Variants in MALRD1 observed in about 807,000 individuals in gnomAD.
The protein encoded by MALRD1 is MAM and LDL-receptor class A domain-containing protein 1.
A neutral mutation model predicts 242.1 loss-of-function variants in MALRD1; 247 were observed. The ratio of observed to expected loss-of-function variants is 1.02; its 90% CI spans 0.92 to 1.13. The LOEUF (loss-of-function observed/expected upper bound fraction) is 1.13. Ranked by LOEUF, MALRD1 falls within the 50% of genes most tolerant of loss-of-function variation. The pLI, the probability that MALRD1 is intolerant of heterozygous loss-of-function variation, is 0.00. For missense variants in MALRD1, 2,989 were observed against 2,533.1 expected, an observed-to-expected ratio of 1.18 and a Z score of -3.86; for synonymous variants, 995 against 866.6, an observed-to-expected ratio of 1.15 and a Z score of -2.60.
chr10:19,734,032 A>G (rs1589457791), intron 39 of MALRD1, 125 bp from the exon 40 acceptor site: 2 of 670,252 alleles, frequency 3.0e-6, no homozygotes, highest in Non-Finnish European at 4.9e-6. Context: ...AGAGTCAGGG[A>G]TGTTCTAGTT....
intron 33 of MALRD1, among the ~76,000 whole-genome samples, chr10:19,573,225 T>C (rs1162665403): frequency 6.6e-6 from 1 of 152,108 alleles, no homozygotes; most frequent in East Asian, 1.9e-4. Context: ...GTCAAGGTGG[T>C]TGGAAACTCT....
intron 18 of MALRD1, among the ~76,000 whole-genome samples, chr10:19,221,285 C>T (rs950454196): frequency 1.4e-4 from 21 of 152,004 alleles, no homozygotes; most frequent in African/African-American, 4.3e-4. Context: ...GATCCCACTT[C>T]CCCTGAAATT....
chr10:19,360,565 T>G (rs914860454), intron 26 of MALRD1, among the ~76,000 whole-genome samples: 4 of 152,152 alleles, frequency 2.6e-5, no homozygotes, highest in African/African-American at 9.6e-5. Context: ...ACCTATCCTC[T>G]TTCTTCCAAT....
chr10:19,376,439 A>G (rs1845599540), intron 26 of MALRD1, among the ~76,000 whole-genome samples: 1 of 151,788 alleles, frequency 6.6e-6, no homozygotes, highest in African/African-American at 2.4e-5. Flanking sequence ...GACATCAAAA[A>G]TTGCTTCCCT....
chr10:19,255,358 C>T lies in MALRD1; in HGVS notation c.2992-2326C>T, dbSNP rs530435741. ...GTTTTGATAATCTTCTATTCGTTCT[C>T]GGGGAAAAACACCATAAATGAAAGT... On this transcript the variant is annotated intron_variant, in intron 18 of 39. Transcript: ENST00000454679. Among the ~76,000 whole-genome samples, 6 of 151,716 alleles carry T rather than the reference C, an allele frequency of 4.0e-5. No homozygotes were observed. The South Asian group carries it at 6.2e-4, about 16-fold the overall frequency.
intron 31 of MALRD1, among the ~76,000 whole-genome samples, chr10:19,519,462 A>G (rs11593317): frequency 0.011 from 1,695 of 152,252 alleles, 13 homozygotes; most frequent in Non-Finnish European, 0.015. Flanking sequence ...ATCATCTTTT[A>G]AAAATAATTT....
intron 28 of MALRD1, among the ~76,000 whole-genome samples, chr10:19,441,113 CAT>C (rs1388926393): frequency 2.0e-5 from 3 of 152,140 alleles, no homozygotes; most frequent in Non-Finnish European, 1.5e-5. Context: ...AGCATTTTTT[CAT>C]ATGTCTGTTG....
intron 18 of MALRD1, among the ~76,000 whole-genome samples, chr10:19,213,268 C>T (rs2358358): frequency 0.13 from 19,766 of 152,126 alleles, 1,379 homozygotes; most frequent in Middle Eastern, 0.2. Flanking sequence ...TTGCTCTGTT[C>T]ATGTTTTTAA....
intron 32 of MALRD1, among the ~76,000 whole-genome samples, chr10:19,539,322 C>G (rs534108376): frequency 1.3e-5 from 2 of 152,140 alleles, no homozygotes; most frequent in East Asian, 1.9e-4. Context: ...TGGCCTATCT[C>G]TACTCTATCC....
intron 10 of MALRD1, among the ~76,000 whole-genome samples, chr10:19,138,766 C>T (rs188267202): frequency 5.6e-4 from 85 of 152,150 alleles, no homozygotes; most frequent in African/African-American, 9.4e-4. Flanking sequence ...TTGTATTCCC[C>T]GTAGTAAATC....
rs1304148635 is a variant in MALRD1 at position 19,108,392 on chromosome 10, T to TA, written c.694+4317_694+4318insA. On this transcript the variant is annotated intron_variant, in intron 5 of 39. Coordinates refer to ENST00000454679, the MANE Select transcript of MALRD1 (RefSeq NM_001142308.3). The stretch of plus-strand genomic sequence containing the variant: ...GAGCTCATGAATTGTTTTTTCTTTT[T>TA]TTTTTTTTTTTTTTTTTTTTTTTTT... 4.6e-3 allele frequency among the ~76,000 whole-genome samples: 48 copies of TA among 10,496 alleles called. 4 individuals carry two copies. Among genetic ancestry groups the TA allele is most frequent in the Middle Eastern group, 0.071 (1 of 14 alleles). 6.9% of individuals were successfully genotyped at this position (10,496 alleles called of 152,430 possible). A position where few individuals can be genotyped will look rare whatever the true frequency, so the allele number is the denominator to read the frequency against.
chr10:19,189,313 A>G (rs1588673380), intron 14 of MALRD1, among the ~76,000 whole-genome samples: 1 of 152,280 alleles, frequency 6.6e-6, no homozygotes, highest in African/African-American at 2.4e-5. Context: ...TTGATGAATA[A>G]TAAAAGATCT....
intron 18 of MALRD1, among the ~76,000 whole-genome samples, chr10:19,242,470 T>C (rs1178393555): frequency 1.3e-5 from 2 of 152,172 alleles, no homozygotes; most frequent in Non-Finnish European, 2.9e-5. Context: ...CTGTCATTTT[T>C]TGGTTGATTT....
chr10:19,625,597 G>A (rs1318749709), intron 36 of MALRD1, among the ~76,000 whole-genome samples: 1 of 151,994 alleles, frequency 6.6e-6, no homozygotes, highest in Non-Finnish European at 1.5e-5. Flanking sequence ...CTAACTCCAT[G>A]ACTTAAAAAA....
intron 26 of MALRD1, among the ~76,000 whole-genome samples, chr10:19,355,296 T>C (rs1844569834): frequency 6.6e-6 from 1 of 152,076 alleles, no homozygotes; most frequent in Non-Finnish European, 1.5e-5. Context: ...ATCAGTTTAA[T>C]TTTTTCTCAA....
intron 2 of MALRD1, among the ~76,000 whole-genome samples, chr10:19,085,208 T>C (rs11008420): frequency 0.25 from 38,370 of 151,858 alleles, 4,936 homozygotes; most frequent in Admixed American, 0.33. Context: ...AATGGTCATG[T>C]GGAGAAAAGT....
chr10:19,104,871 T>G (rs1836408610), intron 5 of MALRD1, among the ~76,000 whole-genome samples: 1 of 152,086 alleles, frequency 6.6e-6, no homozygotes, highest in Non-Finnish European at 1.5e-5. Context: ...TTGTGCTTGG[T>G]TTTTGAAAAG....
Position 19,387,555 on chromosome 10 carries a change from G to T in MALRD1, c.4469G>T (p.Cys1490Phe). Residue 1490 changes from cysteine to phenylalanine, a missense_variant, in exon 27 of 40, where the codon TGT becomes TTT. Coordinates refer to ENST00000454679, the MANE Select transcript of MALRD1 (RefSeq NM_001142308.3). ...TTCTGCCCACTTGGCTATAGGGAAT[G>T]TCATAATGGAAAATGCTATAGGCTG... ...TGFCPLGYRE[C>F]HNGKCYRLEQ... 1 of 1,550,398 alleles carries T rather than the reference G, an allele frequency of 6.4e-7. No homozygotes were observed. Among genetic ancestry groups the T allele is most frequent in the Non-Finnish European group, 8.7e-7 (1 of 1,146,860 alleles).
intron 5 of MALRD1, among the ~76,000 whole-genome samples, chr10:19,108,773 TA>T (rs2131347413): frequency 6.6e-6 from 1 of 152,330 alleles, no homozygotes; most frequent in South Asian, 2.1e-4. Flanking sequence ...TGAGTTACCT[TA>T]AAATTATTAT....
Sources: gnomAD v4.1 joint callset for allele counts (sites outside exome capture counted in the v4.1 genomes callset) on GRCh38, gnomAD v4.1.1 for gene constraint, MANE v1.5 for transcripts, NCBI Gene and HGNC (gene_info 2026-07-23, HGNC 2026-07-21) for gene names.